The following DNAJC1 variants were observed in gnomAD, a reference collection of about 807,000 sequenced individuals.
The protein encoded by DNAJC1 is DnaJ heat shock protein family (Hsp40) member C1, also known as dnaJ homolog subfamily C member 1.
In DNAJC1, 58 loss-of-function variants were observed where a neutral mutation model predicts 76.6. The observed-to-expected ratio is 0.76, with a 90% CI of 0.61 to 0.94. The LOEUF (loss-of-function observed/expected upper bound fraction) is 0.94. Among genes scored for constraint, DNAJC1 ranks in the 40% least tolerant of loss-of-function variants. The pLI is 0.00. For synonymous variants in DNAJC1, 258 were observed against 267.9 expected, an observed-to-expected ratio of 0.96 and a Z score of 0.36; for missense variants, 689 against 677.3, an observed-to-expected ratio of 1.02 and a Z score of -0.19.
chr10:21,877,478 C>A (rs1350977234), intron 8 of DNAJC1, among the ~76,000 whole-genome samples: 1 of 151,892 alleles, frequency 6.6e-6, no homozygotes, highest in African/African-American at 2.4e-5. Flanking sequence ...TCTTTATAAT[C>A]CAGTCTTAAA....
At chr10:21,928,215 T>A (rs1026893892) in intron 3 of DNAJC1, among the ~76,000 whole-genome samples, 27 of 152,300 alleles carry the variant, frequency 1.8e-4, no homozygotes, top group African/African-American at 6.5e-4. Flanking sequence ...CAGGCAGTAT[T>A]TGTATCTCCC....
chr10:21,786,100 G>T (rs1432694406), intron 9 of DNAJC1, among the ~76,000 whole-genome samples: 1 of 151,940 alleles, frequency 6.6e-6, no homozygotes, highest in Admixed American at 6.6e-5. Flanking sequence ...ATACAGGCGC[G>T]TGAGGCAAGA....
intron 7 of DNAJC1, among the ~76,000 whole-genome samples, chr10:21,890,113 T>C (rs751277683): frequency 5.2e-4 from 79 of 151,946 alleles, no homozygotes; most frequent in Non-Finnish European, 8.4e-4. Context: ...GCAGTGTGGT[T>C]ACAGAGGAAG....
chr10:21,759,183 G>C lies in DNAJC1; in HGVS notation c.1583C>G (p.Pro528Arg), dbSNP rs776269885. The C allele has an allele frequency of 5.0e-6, 8 of 1,613,144 alleles. No individual in the cohort carries two copies. Among genetic ancestry groups the C allele is most frequent in the Non-Finnish European group, 5.9e-6 (7 of 1,179,582 alleles). Reference sequence around the variant, plus strand: ...CCCATCACTCACCTTGCTCTTGGACGGGACACATCTGGCTATTTTGTCCCA... The same window carrying C: ...CCCATCACTCACCTTGCTCTTGGACCGGACACATCTGGCTATTTTGTCCCA... ...DRWDKIARCV[P>R]SKSKEDCIAR... The change falls in exon 11 of 12, where the codon CCG (proline) becomes CGG (arginine). Residue 528 changes from proline (P) to arginine (R), a missense_variant. Coordinates refer to ENST00000376980, the MANE Select transcript of DNAJC1 (RefSeq NM_022365.4).
chr10:21,819,102 T>C (rs961971276), intron 8 of DNAJC1, among the ~76,000 whole-genome samples: 1 of 152,152 alleles, frequency 6.6e-6, no homozygotes, highest in African/African-American at 2.4e-5. Flanking sequence ...AATAAAAGTT[T>C]GGTTTTAAAA....
intron 1 of DNAJC1, among the ~76,000 whole-genome samples, chr10:21,985,308 G>A (rs1295270857): frequency 6.6e-6 from 1 of 151,026 alleles, no homozygotes; most frequent in African/African-American, 2.4e-5. Flanking sequence ...GGAGTGCAGG[G>A]GCACGATCTT....
At chr10:21,982,686 T>C (rs1838175814) in intron 1 of DNAJC1, among the ~76,000 whole-genome samples, 1 of 151,054 alleles carries the variant, frequency 6.6e-6, no homozygotes, top group Admixed American at 6.6e-5. Flanking sequence ...CCACAACAGT[T>C]ACTACCTCTC....
intron 8 of DNAJC1, among the ~76,000 whole-genome samples, chr10:21,849,501 A>C (rs892399797): frequency 7.2e-5 from 11 of 151,982 alleles, no homozygotes; most frequent in Non-Finnish European, 1.5e-4. Flanking sequence ...AAAAAGACAA[A>C]ACTGACAAGC....
At chr10:21,957,382 T>G (rs1346754936) in intron 1 of DNAJC1, among the ~76,000 whole-genome samples, 1 of 152,220 alleles carries the variant, frequency 6.6e-6, no homozygotes, top group African/African-American at 2.4e-5. Context: ...TATTTGTTTT[T>G]ACTGCTGTAA....
chr10:21,794,266 CAAAAAAAAAA>C (rs542182948), intron 9 of DNAJC1, among the ~76,000 whole-genome samples: 3 of 53,578 alleles, frequency 5.6e-5, no homozygotes, highest in African/African-American at 1.3e-4. Context: ...TTCCTATCTT[CAAAAAAAAAA>C]AAAAAAAAAG....
In DNAJC1 at chr10:21,904,575, CTT is replaced by C. The variant is rs1564822768; in HGVS notation, c.765_766del (p.Arg256IlefsTer10). 1 of 1,607,460 alleles carries C rather than the reference CTT, an allele frequency of 6.2e-7. No homozygotes were observed. Among genetic ancestry groups the C allele is most frequent in the South Asian group, 1.1e-5 (1 of 89,322 alleles). On this transcript the variant is annotated frameshift_variant, in exon 7 of 12. Coordinates refer to ENST00000376980, the MANE Select transcript of DNAJC1 (RefSeq NM_022365.4). LOFTEE classifies it high-confidence loss of function. ...CAGTGCATCTTCCTTTTCCTTCAAT[CTT>C]GTTTCTTTATATTTAGCATAAAACT...
chr10:21,884,883 A>G (rs1042928238), intron 7 of DNAJC1, among the ~76,000 whole-genome samples: 2 of 152,186 alleles, frequency 1.3e-5, no homozygotes, highest in Non-Finnish European at 2.9e-5. Flanking sequence ...GGGGCACTAA[A>G]TACAGAAATG....
intron 9 of DNAJC1, among the ~76,000 whole-genome samples, chr10:21,787,754 A>G (rs1222445402): frequency 6.6e-6 from 1 of 152,154 alleles, no homozygotes; most frequent in African/African-American, 2.4e-5. Context: ...GCCCCCACCA[A>G]CACCTTAGAC....
At chr10:21,759,653 G>A (rs754083201) in intron 10 of DNAJC1, 35 bp from the exon 11 acceptor site, 1 of 1,591,716 alleles carries the variant, frequency 6.3e-7, no homozygotes. Flanking sequence ...GAGGTGAAGG[G>A]CAAGGTGAAT....
chr10:21,888,939 C>G (rs1466154162), intron 7 of DNAJC1, among the ~76,000 whole-genome samples: 1 of 152,088 alleles, frequency 6.6e-6, no homozygotes, highest in Non-Finnish European at 1.5e-5. Context: ...TTTAGGTTCA[C>G]ATGTTCCCCT....
rs1008369043 is a variant in DNAJC1, at chr10:21,963,726, A to T, written c.223-34585T>A. ...ATAAACAGCGTACATTAATTTTGTCATTTATTTTTTCATTGGCTCAATTTT... is the reference window on the plus strand; with the variant it reads ...ATAAACAGCGTACATTAATTTTGTCTTTTATTTTTTCATTGGCTCAATTTT... On this transcript the variant is annotated intron_variant, in intron 1 of 11. Coordinates refer to ENST00000376980, the MANE Select transcript of DNAJC1 (RefSeq NM_022365.4). Among the ~76,000 whole-genome samples the T allele has an allele frequency of 2.0e-5, 3 of 151,900 alleles. No homozygotes were observed. In the East Asian group the frequency reaches 5.8e-4, roughly 29 times the overall value.
At chr10:21,766,600 C>A (rs1222683657) in intron 9 of DNAJC1, among the ~76,000 whole-genome samples, 1 of 152,072 alleles carries the variant, frequency 6.6e-6, no homozygotes. Flanking sequence ...ACGAGGCTGC[C>A]TCTTTTCATT....
intron 8 of DNAJC1, among the ~76,000 whole-genome samples, chr10:21,835,001 T>G (rs903192151): frequency 2.0e-5 from 3 of 152,028 alleles, no homozygotes; most frequent in African/African-American, 7.2e-5. Context: ...GCACGCAGCT[T>G]GAGATCTGAG....
At chr10:21,937,728 T>C (rs962949566) in intron 1 of DNAJC1, among the ~76,000 whole-genome samples, 1 of 152,152 alleles carries the variant, frequency 6.6e-6, no homozygotes, top group African/African-American at 2.4e-5. Context: ...TAAATTGGTC[T>C]CAATAAATTT....
Sources: allele counts gnomAD v4.1 joint callset (sites outside exome capture counted in the v4.1 genomes callset), GRCh38; gene constraint gnomAD v4.1.1; transcripts MANE v1.5; gene names NCBI Gene and HGNC (gene_info 2026-07-23, HGNC 2026-07-21).